The following RNFT2 variants were observed in gnomAD, a reference collection of about 807,000 sequenced individuals.
The protein encoded by RNFT2 is E3 ubiquitin-protein ligase RNFT2.
Under a neutral mutation model 53.0 loss-of-function variants are expected in RNFT2, and 36 were observed. The observed-to-expected ratio is 0.68, with a 90% CI of 0.52 to 0.90. The LOEUF (loss-of-function observed/expected upper bound fraction) is 0.90. Among genes scored for constraint, RNFT2 ranks in the 40% least tolerant of loss-of-function variants. RNFT2 has a pLI of 0.00. For missense variants in RNFT2, 514 were observed against 585.6 expected, an observed-to-expected ratio of 0.88 and a Z score of 1.26; for synonymous variants, 260 against 253.2, an observed-to-expected ratio of 1.03 and a Z score of -0.26.
chr12:116,845,254 A>ATATAT (rs1178436364), intron 10 of RNFT2, among the ~76,000 whole-genome samples: 1 of 115,640 alleles, frequency 8.6e-6, no homozygotes. Flanking sequence ...AAAAAAAAAA[A>ATATAT]AAAAATATAT....
intron 7 of RNFT2, among the ~76,000 whole-genome samples, chr12:116,808,618 G>T (rs1324722509): frequency 6.6e-6 from 1 of 152,122 alleles, no homozygotes; most frequent in Non-Finnish European, 1.5e-5. Context: ...CCCCCAAGCT[G>T]TTGTTCCGCC....
At chr12:116,782,983 T>C (rs951613757) in intron 7 of RNFT2, among the ~76,000 whole-genome samples, 2 of 152,202 alleles carry the variant, frequency 1.3e-5, no homozygotes, top group Admixed American at 6.5e-5. Flanking sequence ...GAGACTTCCC[T>C]CATGGCGAGA....
chr12:116,746,121 C>T (rs1361811246), intron 3 of RNFT2, among the ~76,000 whole-genome samples: 1 of 152,134 alleles, frequency 6.6e-6, no homozygotes, highest in African/African-American at 2.4e-5. Flanking sequence ...CCTGTAATCC[C>T]AGCTACTCGG....
chr12:116,851,529 A>G lies in RNFT2; in HGVS notation c.*2081A>G. 1.9e-6 allele frequency: 1 copy of G among 531,786 alleles called. No individual in the cohort carries two copies. The highest frequency in any genetic ancestry group is 3.4e-6 in the Non-Finnish European group (1 of 297,294). 32.9% of individuals were successfully genotyped at this position (531,786 alleles called of 1,614,324 possible). Reference sequence around the variant, plus strand: ...TGAAGCAGGCGGGTCACCTGAGGTCAAGAGTTCAAGACTAGCCTGGCCAAC... The same window carrying G: ...TGAAGCAGGCGGGTCACCTGAGGTCGAGAGTTCAAGACTAGCCTGGCCAAC... On this transcript the variant is annotated 3_prime_UTR_variant, in exon 11 of 11. Transcript: ENST00000257575.
At chr12:116,774,284 TA>T (rs1213142836) in intron 6 of RNFT2, among the ~76,000 whole-genome samples, 7 of 152,210 alleles carry the variant, frequency 4.6e-5, no homozygotes, top group Non-Finnish European at 1.0e-4. Context: ...TAAAAATGGT[TA>T]AGACGGTACC....
At chr12:116,763,506 C>T (rs1256199082) in intron 5 of RNFT2, among the ~76,000 whole-genome samples, 3 of 151,958 alleles carry the variant, frequency 2.0e-5, no homozygotes, top group African/African-American at 7.3e-5. Flanking sequence ...CAGTGGCTCA[C>T]GCCTGTAATC....
intron 7 of RNFT2, among the ~76,000 whole-genome samples, chr12:116,831,066 C>A (rs1876618960): frequency 6.6e-6 from 1 of 151,798 alleles, no homozygotes; most frequent in Non-Finnish European, 1.5e-5. Flanking sequence ...GTGTTGGGCC[C>A]CTTCAACTTG....
At chr12:116,790,913 A>G (rs375875941) in intron 7 of RNFT2, among the ~76,000 whole-genome samples, 7 of 152,346 alleles carry the variant, frequency 4.6e-5, no homozygotes, top group South Asian at 2.1e-4. Flanking sequence ...GTGAACCCTG[A>G]TCGCAGCACT....
intron 6 of RNFT2, among the ~76,000 whole-genome samples, chr12:116,775,322 AAGTCACCAG>A: frequency 1.8e-3 from 1 of 556 alleles, no homozygotes; most frequent in Non-Finnish European, 4.2e-3. Context: ...GTCCTTACTG[AAGTCACCAG>A]AAGTCACCAG....
intron 7 of RNFT2, among the ~76,000 whole-genome samples, chr12:116,832,309 T>C (rs759279763): frequency 2.6e-5 from 4 of 151,972 alleles, no homozygotes; most frequent in Non-Finnish European, 5.9e-5. Context: ...AAACCAGAAT[T>C]ATACAACAAA....
intron 7 of RNFT2, among the ~76,000 whole-genome samples, chr12:116,808,308 T>G (rs1565866515): frequency 6.6e-6 from 1 of 152,118 alleles, no homozygotes; most frequent in African/African-American, 2.4e-5. Context: ...CAGGCTGGTG[T>G]TGAACTCCTG....
At chr12:116,761,058 T>C (rs1246661102) in intron 5 of RNFT2, among the ~76,000 whole-genome samples, 1 of 152,136 alleles carries the variant, frequency 6.6e-6, no homozygotes, top group Non-Finnish European at 1.5e-5. Flanking sequence ...ATGTTCCTTC[T>C]TTCTCCCCTC....
intron 7 of RNFT2, among the ~76,000 whole-genome samples, chr12:116,796,336 G>A (rs1874506758): frequency 1.3e-5 from 2 of 152,184 alleles, no homozygotes. Flanking sequence ...TGATTTCTCT[G>A]AATAACACAG....
intron 5 of RNFT2, chr12:116,755,539 AT>A: frequency 1.2e-6 from 1 of 849,230 alleles, no homozygotes. Context: ...TTTTCTGATC[AT>A]TTTCCTTCAT....
chr12:116,751,930 G>A (rs1351883841), intron 4 of RNFT2, among the ~76,000 whole-genome samples: 2 of 151,914 alleles, frequency 1.3e-5, no homozygotes, highest in Non-Finnish European at 2.9e-5. Flanking sequence ...TTACAGGTGT[G>A]AGCCACCACA....
At chr12:116,755,327 T>C (rs2137082060) in intron 5 of RNFT2, 1 of 691,388 alleles carries the variant, frequency 1.4e-6, no homozygotes, top group Non-Finnish European at 2.6e-6. Flanking sequence ...TTCTGTTCCA[T>C]TGGTCTATGT....
At chr12:116,748,585 G>T in intron 3 of RNFT2, 1 of 413,452 alleles carries the variant, frequency 2.4e-6, no homozygotes. Context: ...CCCTAGAACA[G>T]GTGGAGCTGG....
At chr12:116,762,114 C>T (rs1243376099) in intron 5 of RNFT2, among the ~76,000 whole-genome samples, 1 of 151,242 alleles carries the variant, frequency 6.6e-6, no homozygotes, top group African/African-American at 2.4e-5. Context: ...CACTGTGGCT[C>T]ATGCATGCAA....
intron 7 of RNFT2, among the ~76,000 whole-genome samples, chr12:116,825,658 C>T (rs1876287447): frequency 6.6e-6 from 1 of 152,222 alleles, no homozygotes; most frequent in Non-Finnish European, 1.5e-5. Context: ...AACATTTATA[C>T]CACAGAAATT....
Sources: gnomAD v4.1 joint callset for allele counts (sites outside exome capture counted in the v4.1 genomes callset) on GRCh38, gnomAD v4.1.1 for gene constraint, MANE v1.5 for transcripts, NCBI Gene and HGNC (gene_info 2026-07-23, HGNC 2026-07-21) for gene names.